Variants in ABLIM2 observed in about 807,000 individuals in gnomAD.
ABLIM2 encodes the protein actin-binding LIM protein 2.
In ABLIM2, 53 loss-of-function variants were observed where a neutral mutation model predicts 97.7. The observed-to-expected ratio is 0.54, with a 90% CI of 0.44 to 0.68. The LOEUF is 0.68. ABLIM2 is among the 30% of genes least tolerant of loss of function. The pLI, the probability that ABLIM2 is intolerant of heterozygous loss-of-function variation, is 0.00. For synonymous variants in ABLIM2, 361 were observed against 345.8 expected (o/e 1.04, Z -0.49); for missense variants, 835 against 867.2 (o/e 0.96, Z 0.47).
chr4:8,006,567 G>A (rs1318193870), intron 16 of ABLIM2, among the ~76,000 whole-genome samples: 1 of 152,242 alleles, frequency 6.6e-6, no homozygotes, highest in Non-Finnish European at 1.5e-5. Context: ...TGCCGAGCTG[G>A]TGCAAGAGGA....
chr4:8,127,546 C>T lies in ABLIM2; in HGVS notation c.11-20909G>A. The T allele has an allele frequency of 7.8e-7, 1 of 1,289,810 alleles. No individual in the cohort carries two copies. The highest frequency in any genetic ancestry group is 1.0e-6 in the Non-Finnish European group (1 of 988,850). 79.9% of individuals were successfully genotyped at this position (1,289,810 alleles called of 1,614,324 possible). ...GGCAAAAGCGCAGTTTGGGGATTTA[C>T]CTGTGTCTCCCCCTGGCACCCCCAT... On this transcript the variant is annotated intron_variant, in intron 1 of 20. Coordinates refer to ENST00000447017, the MANE Select transcript of ABLIM2 (RefSeq NM_001130083.2). This position sits in a 1 kb window ranked among gnomAD's most constrained non-coding sequence, Gnocchi z 7.3.
intron 4 of ABLIM2, among the ~76,000 whole-genome samples, chr4:8,081,029 T>C (rs1019007425): frequency 3.9e-5 from 6 of 152,162 alleles, no homozygotes; most frequent in African/African-American, 1.2e-4. Context: ...ACTGACTGCA[T>C]GCAGCCTGGG....
intron 20 of ABLIM2, among the ~76,000 whole-genome samples, chr4:7,969,183 G>C (rs1560298302): frequency 6.6e-6 from 1 of 152,022 alleles, no homozygotes; most frequent in Non-Finnish European, 1.5e-5. Flanking sequence ...GATGGGTGTG[G>C]TGGCTCACAC....
rs906038923 is a variant in ABLIM2, at chr4:7,999,136, G to T, written c.1619-6209C>A. Among the ~76,000 whole-genome samples the T allele has an allele frequency of 1.1e-4, 17 of 152,140 alleles. No homozygotes were observed. The highest frequency in any genetic ancestry group is 4.1e-4 in the African/African-American group (17 of 41,426). ...GCTGGAGTACAATGGCGTGATCTTG[G>T]CTCACTGCAACCTCCTGGGTTCAAG... On this transcript the variant is annotated intron_variant, in intron 16 of 20. Coordinates refer to ENST00000447017, the MANE Select transcript of ABLIM2 (RefSeq NM_001130083.2). The surrounding 1 kb of genome is among the most constrained non-coding windows in gnomAD (Gnocchi z 4.4).
At chr4:8,012,605 G>A (rs1765807482) in intron 14 of ABLIM2, among the ~76,000 whole-genome samples, 1 of 116,672 alleles carries the variant, frequency 8.6e-6, no homozygotes, top group South Asian at 3.0e-4. Context: ...CCCATCCATC[G>A]AGCCAGCCAC....
In ABLIM2 at chr4:7,984,904, AAGAG is replaced by A. The variant is rs757109459; in HGVS notation, c.1681-15_1681-12del. ...GGCCAGATTGGCATTCTGGAAGAGAAAGAGAGGTTGGGCGGCAAGAGACAGGCGG... is the reference window on the plus strand; with the variant it reads ...GGCCAGATTGGCATTCTGGAAGAGAAAGGTTGGGCGGCAAGAGACAGGCGG... On this transcript the variant is annotated splice_polypyrimidine_tract_variant and intron_variant, in intron 17 of 20. Coordinates refer to ENST00000447017, the MANE Select transcript of ABLIM2 (RefSeq NM_001130083.2). The A allele has an allele frequency of 6.2e-7, 1 of 1,608,250 alleles. No individual in the cohort carries two copies.
Position 8,008,090 on chromosome 4 carries a change from G to C in ABLIM2, c.1587C>G (p.Leu529=). The C allele has an allele frequency of 1.2e-6, 2 of 1,614,030 alleles. No homozygotes were observed. The highest frequency in any genetic ancestry group is 1.7e-6 in the Non-Finnish European group (2 of 1,179,888). The change falls in exon 16 of 21, where the codon CTC becomes CTG. Residue 529 remains leucine (L), a synonymous_variant. Transcript: ENST00000447017. ...SHSSGTDRDP[L]QRMAGDSFHS... is the part of the protein sequence containing the mutation. ...GAAAGCTGTCCCCTGCCATCCTTTG[G>C]AGAGGGTCTCTGTCGGTCCCGCTGC...
chr4:8,015,418 C>T lies in ABLIM2; in HGVS notation c.1423+4200G>A, dbSNP rs1447011447. On this transcript the variant is annotated intron_variant, in intron 14 of 20. Transcript: ENST00000447017. The surrounding 1 kb of genome is among the most constrained non-coding windows in gnomAD (Gnocchi z 4.6). ...TCAGTGGGGGCTTCCCAGTGCAATC[C>T]GCACTCTGGACACAGCCTGCCGTTC... Among the ~76,000 whole-genome samples the T allele has an allele frequency of 6.6e-6, 1 of 152,038 alleles. No individual in the cohort carries two copies. The highest frequency in any genetic ancestry group is 2.4e-5 in the African/African-American group (1 of 41,412).
rs1169412594 is a variant in ABLIM2, at chr4:8,127,812, C to G, written c.11-21175G>C. 1.3e-6 allele frequency: 1 copy of G among 756,638 alleles called. No individual in the cohort carries two copies. Among genetic ancestry groups the G allele is most frequent in the Non-Finnish European group, 1.6e-6 (1 of 622,916 alleles). The allele number at this position is 756,638 out of a possible 1,614,324, so 46.9% of individuals were successfully genotyped here. A position where few individuals can be genotyped will look rare whatever the true frequency, so the allele number is the denominator to read the frequency against. ...ATGCGCCAGAGACACACCTGTCTCC[C>G]AGGCATCCGGGAAAGGGGCTCTGAA... On this transcript the variant is annotated intron_variant, in intron 1 of 20. Coordinates refer to ENST00000447017, the MANE Select transcript of ABLIM2 (RefSeq NM_001130083.2). The surrounding 1 kb of genome is among the most constrained non-coding windows in gnomAD (Gnocchi z 7.3).
At chr4:8,007,038 A>G (rs1475302038) in intron 16 of ABLIM2, 4 of 985,302 alleles carry the variant, frequency 4.1e-6, no homozygotes, top group Non-Finnish European at 4.8e-6. Context: ...CTTTGTTTAA[A>G]GTGATTCTTT....
Position 8,088,274 on chromosome 4 carries a change from G to T in ABLIM2, c.349C>A (p.Pro117Thr). Residue 117 changes from proline (P) to threonine (T), a missense_variant, in exon 4 of 21, where the codon CCC (proline) becomes ACC (threonine). Pro to Thr is a conservative substitution (Grantham distance 38). Transcript: ENST00000447017. ...FVCAVCRLPF[P>T]PGDRVTFNGK... ...TTGAAGGTCACTCGGTCCCCGGGGGGGAAGGGCAGCCTGAAACAAGAGAGC... is the reference window on the plus strand; with the variant it reads ...TTGAAGGTCACTCGGTCCCCGGGGGTGAAGGGCAGCCTGAAACAAGAGAGC... 6.2e-7 allele frequency: 1 copy of T among 1,612,440 alleles called. No homozygotes were observed. Among genetic ancestry groups the T allele is most frequent in the Non-Finnish European group, 8.5e-7 (1 of 1,179,388 alleles).
At chr4:8,102,979 G>A (rs1340846806) in intron 2 of ABLIM2, among the ~76,000 whole-genome samples, 2 of 152,250 alleles carry the variant, frequency 1.3e-5, no homozygotes, top group Admixed American at 1.3e-4. Context: ...GAGGAGACAG[G>A]CTTTGCCTGT....
intron 14 of ABLIM2, among the ~76,000 whole-genome samples, chr4:8,011,947 G>A (rs574127710): frequency 1.3e-5 from 2 of 152,214 alleles, no homozygotes; most frequent in South Asian, 2.1e-4. Context: ...ATGCCAGCCT[G>A]TGTGCATCCC....
intron 1 of ABLIM2, among the ~76,000 whole-genome samples, chr4:8,117,343 T>G (rs1177608626): frequency 6.6e-6 from 1 of 152,144 alleles, no homozygotes; most frequent in Non-Finnish European, 1.5e-5. Context: ...TGCAGCCCAC[T>G]GCCCCTGCCC....
At chr4:8,056,305 C>CTTTTTTTTTTTTT (rs71175456) in intron 7 of ABLIM2, among the ~76,000 whole-genome samples, 1 of 128,186 alleles carries the variant, frequency 7.8e-6, no homozygotes, top group East Asian at 2.3e-4. Context: ...TTCTTTCTTT[C>CTTTTTTTTTTTTT]TTTTTTTTTT....
At chr4:8,089,589 G>A (rs1334579788) in intron 3 of ABLIM2, among the ~76,000 whole-genome samples, 1 of 152,044 alleles carries the variant, frequency 6.6e-6, no homozygotes, top group Non-Finnish European at 1.5e-5. Context: ...ACAAAAATTA[G>A]CCATGCATGG....
intron 16 of ABLIM2, chr4:8,006,984 AC>A (rs1031302372): frequency 1.0e-6 from 1 of 981,562 alleles, no homozygotes; most frequent in Non-Finnish European, 1.2e-6. Context: ...TGAGGGGTGC[AC>A]AGACACCTGC....
intron 14 of ABLIM2, among the ~76,000 whole-genome samples, chr4:8,011,004 C>T (rs1316237388): frequency 1.3e-5 from 2 of 152,210 alleles, no homozygotes; most frequent in Non-Finnish European, 2.9e-5. Context: ...GCATCGTTTC[C>T]TGAAAAGCCA....
chr4:8,101,166 G>C (rs896523644), intron 2 of ABLIM2, among the ~76,000 whole-genome samples: 1 of 152,252 alleles, frequency 6.6e-6, no homozygotes, highest in Non-Finnish European at 1.5e-5. Flanking sequence ...AGGGGCCTGA[G>C]TGAGCCTTAA....
Sources: gnomAD v4.1 joint callset for allele counts (sites outside exome capture counted in the v4.1 genomes callset) on GRCh38, gnomAD v4.1.1 for gene constraint, Gnocchi (gnomAD v3.1) non-coding constraint, MANE v1.5 for transcripts, NCBI Gene and HGNC (gene_info 2026-07-23, HGNC 2026-07-21) for gene names.